TMC1: variants seen among roughly 807,000 people sequenced by gnomAD.
The protein encoded by TMC1 is transmembrane channel-like protein 1.
TMC1 carries 84 observed loss-of-function variants against 105.8 expected under a neutral mutation model. The observed-to-expected ratio is 0.79, with a 90% CI of 0.67 to 0.95. The LOEUF (loss-of-function observed/expected upper bound fraction) is 0.95, where lower values mean the gene tolerates loss of function less well. TMC1 is among the 40% of genes least tolerant of loss of function. The probability of loss-of-function intolerance (pLI) is 0.00; values close to 1 mark genes in which losing one functional copy is unlikely to be tolerated. For synonymous variants in TMC1, 315 were observed against 311.5 expected (o/e 1.01, Z -0.12); for missense variants, 817 against 914.1 (o/e 0.89, Z 1.37).
At chr9:72,648,319 A>C (rs1231497478) in intron 4 of TMC1, among the ~76,000 whole-genome samples, 5 of 152,250 alleles carry the variant, frequency 3.3e-5, no homozygotes, top group African/African-American at 1.2e-4. Flanking sequence ...GCAGGAAAGC[A>C]CAGGCAGAGT....
chr9:72,688,791 T>A, intron 6 of TMC1, 35 bp downstream of exon 6: 1 of 1,555,488 alleles, frequency 6.4e-7, no homozygotes, highest in Non-Finnish European at 8.9e-7. Flanking sequence ...ATACATTTCC[T>A]ATGGAATACC....
At chr9:72,547,303 AT>A (rs1297588056) in intron 1 of TMC1, among the ~76,000 whole-genome samples, 58 of 151,432 alleles carry the variant, frequency 3.8e-4, no homozygotes, top group African/African-American at 1.2e-3. Flanking sequence ...AAAAAAAAAA[AT>A]GGTTAAAAAG....
In TMC1 at chr9:72,788,410, C is replaced by T; in HGVS notation, c.956C>T (p.Thr319Ile). 6.2e-7 allele frequency: 1 copy of T among 1,613,982 alleles called. No individual in the cohort carries two copies. The highest frequency in any genetic ancestry group is 8.5e-7 in the Non-Finnish European group (1 of 1,179,918). The stretch of plus-strand genomic sequence containing the variant: ...TTCAATTTCAGCTGGAAGGTCTTTA[C>T]CAGCTGGGACTACCTGATCGGCAAT... ...NTFNFSWKVFTSWDYLIGNPE... is the reference protein window; with the variant it reads ...NTFNFSWKVFISWDYLIGNPE... Residue 319 changes from threonine to isoleucine, a missense_variant, in exon 14 of 24, where the codon ACC becomes ATC. Coordinates refer to ENST00000297784, the MANE Select transcript of TMC1 (RefSeq NM_138691.3).
chr9:72,552,525 C>T (rs759413689), intron 1 of TMC1, among the ~76,000 whole-genome samples: 10 of 152,150 alleles, frequency 6.6e-5, no homozygotes, highest in Non-Finnish European at 1.5e-4. Flanking sequence ...ATCACAGATG[C>T]TTATTTGCAC....
At chr9:72,760,839 A>T (rs1245081920) in intron 12 of TMC1, among the ~76,000 whole-genome samples, 1 of 152,094 alleles carries the variant, frequency 6.6e-6, no homozygotes, top group Non-Finnish European at 1.5e-5. Context: ...GGAACTACCA[A>T]TCTGTAGAGC....
intron 12 of TMC1, among the ~76,000 whole-genome samples, chr9:72,763,917 A>G: frequency 6.6e-6 from 1 of 152,296 alleles, no homozygotes; most frequent in Non-Finnish European, 1.5e-5. Context: ...ATCAAGGAAG[A>G]ATCTTTCGAT....
chr9:72,587,200 C>T (rs1824567898), intron 2 of TMC1, among the ~76,000 whole-genome samples: 1 of 151,890 alleles, frequency 6.6e-6, no homozygotes, highest in Non-Finnish European at 1.5e-5. Flanking sequence ...CTCTTGTTGC[C>T]CAGGCTGGAG....
At chr9:72,688,833 C>A in intron 6 of TMC1, 77 bp downstream of exon 6, 1 of 1,214,634 alleles carries the variant, frequency 8.2e-7, no homozygotes, top group Non-Finnish European at 1.2e-6. Flanking sequence ...CTCTTGTGGA[C>A]TTGAGCTACC....
Position 72,831,902 on chromosome 9 carries a change from G to A in TMC1, c.2260+1220G>A, listed in dbSNP as rs181324385. ...GAATAGTGCCGCAATAAACATACGTGTGCATGTGTCTTTATAGCAGCATGA... is the reference window on the plus strand; with the variant it reads ...GAATAGTGCCGCAATAAACATACGTATGCATGTGTCTTTATAGCAGCATGA... On this transcript the variant is annotated intron_variant, in intron 23 of 23. Coordinates refer to ENST00000297784, the MANE Select transcript of TMC1 (RefSeq NM_138691.3). Among the ~76,000 whole-genome samples, 313 of 151,930 alleles carry A rather than the reference G, an allele frequency of 2.1e-3. 2 individuals carry two copies. The highest frequency in any genetic ancestry group is 7.3e-3 in the African/African-American group (302 of 41,414).
At chr9:72,641,191 T>G (rs2132143849) in intron 4 of TMC1, among the ~76,000 whole-genome samples, 1 of 152,312 alleles carries the variant, frequency 6.6e-6, no homozygotes. Context: ...CCTCCTGGGT[T>G]CAAATGATCC....
intron 9 of TMC1, among the ~76,000 whole-genome samples, chr9:72,740,695 G>A (rs1385918684): frequency 6.6e-6 from 1 of 152,146 alleles, no homozygotes; most frequent in Admixed American, 6.6e-5. Context: ...TATGTGCCAA[G>A]CACTGAATTG....
chr9:72,715,402 C>T (rs1158893333), intron 8 of TMC1, among the ~76,000 whole-genome samples: 1 of 152,166 alleles, frequency 6.6e-6, no homozygotes, highest in African/African-American at 2.4e-5. Context: ...GTACACCAAT[C>T]AAACATAGAT....
At chr9:72,644,946 A>G (rs900205516) in intron 4 of TMC1, among the ~76,000 whole-genome samples, 2 of 152,214 alleles carry the variant, frequency 1.3e-5, no homozygotes, top group African/African-American at 2.4e-5. Context: ...AAATTGAAGC[A>G]AGAACAAATA....
chr9:72,718,676 T>C (rs1826963647), intron 8 of TMC1, among the ~76,000 whole-genome samples: 1 of 152,226 alleles, frequency 6.6e-6, no homozygotes, highest in Admixed American at 6.5e-5. Flanking sequence ...TTTGTGCTAG[T>C]TGGCCTCCTG....
chr9:72,821,162 A>AT, intron 20 of TMC1, 81 bp downstream of exon 20: 1 of 1,595,052 alleles, frequency 6.3e-7, no homozygotes, highest in African/African-American at 1.3e-5. Flanking sequence ...TGTATAAGCT[A>AT]TTTTTTCCCC....
rs554313091 is a variant in TMC1, at chr9:72,648,919, A to G, written c.16+255A>G. Among the ~76,000 whole-genome samples, 301 of 152,194 alleles carry G rather than the reference A, an allele frequency of 2.0e-3. 1 individual carries two copies. Among genetic ancestry groups the G allele is most frequent in the Middle Eastern group, 6.8e-3 (2 of 294 alleles). On this transcript the variant is annotated intron_variant, in intron 5 of 23. Transcript: ENST00000297784. ...AAGTGCTAAAACTGACCTCGCTTTC[A>G]CTCAGAAAGACAATGGAGGAAAGGA... is the stretch of plus-strand genomic sequence containing the variant.
At chr9:72,684,268 A>AC (rs1415967712) in intron 5 of TMC1, among the ~76,000 whole-genome samples, 1 of 152,122 alleles carries the variant, frequency 6.6e-6, no homozygotes, top group Non-Finnish European at 1.5e-5. Flanking sequence ...TCATAAAGCC[A>AC]CTTGAATTCA....
At chr9:72,700,347 T>C (rs1429799776) in intron 7 of TMC1, among the ~76,000 whole-genome samples, 171 bp from the exon 8 acceptor site, 1 of 152,108 alleles carries the variant, frequency 6.6e-6, no homozygotes, top group African/African-American at 2.4e-5. Context: ...ATAGTTCCAG[T>C]AATCCTGCAT....
chr9:72,704,614 A>G (rs541478125), intron 8 of TMC1, among the ~76,000 whole-genome samples: 1 of 152,296 alleles, frequency 6.6e-6, no homozygotes, highest in South Asian at 2.1e-4. Context: ...AGCATTTTCA[A>G]GATAGCAGAA....
Sources: allele counts gnomAD v4.1 joint callset (sites outside exome capture counted in the v4.1 genomes callset), GRCh38; gene constraint gnomAD v4.1.1; transcripts MANE v1.5; gene names NCBI Gene and HGNC (gene_info 2026-07-23, HGNC 2026-07-21).